CRTC3: variants seen among roughly 807,000 people sequenced by gnomAD.
The protein encoded by CRTC3 is CREB regulated transcription coactivator 3.
CRTC3 carries 26 observed loss-of-function variants against 74.5 expected under a neutral mutation model. The observed-to-expected ratio is 0.35, with a 90% CI of 0.26 to 0.48. The LOEUF is 0.48. CRTC3 is among the 20% of genes least tolerant of loss of function. CRTC3 has a pLI of 0.99. For synonymous variants in CRTC3, 377 were observed against 325.8 expected, an observed-to-expected ratio of 1.16 and a Z score of -1.69; for missense variants, 760 against 787.3, an observed-to-expected ratio of 0.97 and a Z score of 0.41.
chr15:90,583,675 G>C (rs1967594567), intron 2 of CRTC3, among the ~76,000 whole-genome samples: 1 of 152,252 alleles, frequency 6.6e-6, no homozygotes, highest in East Asian at 1.9e-4. Context: ...GAACAGCTGG[G>C]AGCCTCACAG....
chr15:90,569,934 G>A (rs1454750891), intron 2 of CRTC3, among the ~76,000 whole-genome samples: 1 of 152,122 alleles, frequency 6.6e-6, no homozygotes, highest in Non-Finnish European at 1.5e-5. Flanking sequence ...TGATAATGTT[G>A]TAATATTATT....
chr15:90,638,353 A>C, intron 11 of CRTC3, 93 bp from the exon 12 acceptor site: 2 of 1,080,546 alleles, frequency 1.9e-6, no homozygotes, highest in Non-Finnish European at 2.8e-6. Flanking sequence ...GGAAAATCTC[A>C]GGCTTCCTCT....
intron 2 of CRTC3, among the ~76,000 whole-genome samples, chr15:90,550,077 GA>G (rs1966851976): frequency 6.6e-6 from 1 of 151,294 alleles, no homozygotes; most frequent in East Asian, 1.9e-4. Context: ...CTTAAATTTT[GA>G]TCCTGTGTCA....
chr15:90,566,968 C>T (rs1967137719), intron 2 of CRTC3, among the ~76,000 whole-genome samples: 1 of 152,066 alleles, frequency 6.6e-6, no homozygotes, highest in African/African-American at 2.4e-5. Flanking sequence ...TTCTTGGCCT[C>T]CTGAAGTGCT....
At position 90,622,807 on chromosome 15, in the gene CRTC3, C is replaced by T. The variant is rs1356306491; in HGVS notation, c.750-2969C>T. Among the ~76,000 whole-genome samples, 6 of 149,360 alleles carry T rather than the reference C, an allele frequency of 4.0e-5. No individual in the cohort carries two copies. In the South Asian group the frequency reaches 1.0e-3, roughly 26 times the overall value. ...CAGAGGTTGCAGTGAGCCAAGATCGCACCACTGCACTCCAGCCTGGGCGAC... is the reference window on the plus strand; with the variant it reads ...CAGAGGTTGCAGTGAGCCAAGATCGTACCACTGCACTCCAGCCTGGGCGAC... On this transcript the variant is annotated intron_variant, in intron 9 of 14. Transcript: ENST00000268184.
chr15:90,638,815 G>C lies in CRTC3; in HGVS notation c.1548G>C (p.Gln516His). The C allele has an allele frequency of 6.2e-7, 1 of 1,613,420 alleles. No individual in the cohort carries two copies. The highest frequency in any genetic ancestry group is 8.5e-7 in the Non-Finnish European group (1 of 1,179,402). The change falls in exon 13 of 15, where the codon CAG becomes CAC. Residue 516 changes from glutamine (Q) to histidine (H), a missense_variant and splice_region_variant. Physicochemically the swap from Gln to His is conservative, Grantham distance 24 (BLOSUM62 0). Around this residue, in one of 2 missense-constraint regions of CRTC3, gnomAD observed 652 missense variants for 635.2 expected, o/e 1.03. Coordinates refer to ENST00000268184, the MANE Select transcript of CRTC3 (RefSeq NM_022769.5). Reference protein sequence around the residue: ...SMRPGPAFPQQVPLVQQGSRE... With the variant: ...SMRPGPAFPQHVPLVQQGSRE... Reference sequence around the variant, plus strand: ...GGCCAGGCCCTGCCTTTCCTCAACAGGTGGGTGATCGCCCCTGCCTTCTCC... The same window carrying C: ...GGCCAGGCCCTGCCTTTCCTCAACACGTGGGTGATCGCCCCTGCCTTCTCC...
At chr15:90,625,724 CCCAACAG>C in intron 9 of CRTC3, 45 bp from the exon 10 acceptor site, 5 of 1,528,392 alleles carry the variant, frequency 3.3e-6, no homozygotes, top group Non-Finnish European at 4.5e-6. Context: ...TGTTTGGTTT[CCCAACAG>C]CCAAATACAT....
intron 2 of CRTC3, among the ~76,000 whole-genome samples, chr15:90,592,033 C>G (rs184241501): frequency 5.7e-4 from 86 of 152,196 alleles, no homozygotes; most frequent in African/African-American, 2.0e-3. Flanking sequence ...AAAAATAGAT[C>G]GGAACTGTTA....
At chr15:90,535,161 C>CAAA (rs34328900) in intron 1 of CRTC3, among the ~76,000 whole-genome samples, 1 of 128,366 alleles carries the variant, frequency 7.8e-6, no homozygotes, top group Non-Finnish European at 1.6e-5. Context: ...AACTCCGTCT[C>CAAA]AAAAAAAAAA....
Position 90,534,682 on chromosome 15 carries a change from T to C in CRTC3, c.132+4479T>C, listed in dbSNP as rs372773684. 1.8e-3 allele frequency among the ~76,000 whole-genome samples: 268 copies of C among 152,370 alleles called. 2 individuals are homozygous for C. The highest frequency in any genetic ancestry group is 6.3e-3 in the African/African-American group (261 of 41,592). On this transcript the variant is annotated intron_variant, in intron 1 of 14. Coordinates refer to ENST00000268184, the MANE Select transcript of CRTC3 (RefSeq NM_022769.5). ...TCCAACGACACTCACCCGACATTTCTGGACGGCACCAGTTGCCTGGAGCTG... is the reference window on the plus strand; with the variant it reads ...TCCAACGACACTCACCCGACATTTCCGGACGGCACCAGTTGCCTGGAGCTG...
In CRTC3 at chr15:90,540,141, C is replaced by T; in HGVS notation, c.231+4C>T. On this transcript the variant is annotated splice_donor_region_variant and intron_variant, in intron 2 of 14. Coordinates refer to ENST00000268184, the MANE Select transcript of CRTC3 (RefSeq NM_022769.5). ...GAGCAGTGCGTCAGAGTTTCAGGTA[C>T]CTCCAGATATGTACTTTCTTGAAGC... 6.3e-7 allele frequency: 1 copy of T among 1,579,070 alleles called. No individual in the cohort carries two copies. The highest frequency in any genetic ancestry group is 8.7e-7 in the Non-Finnish European group (1 of 1,153,472).
chr15:90,636,309 G>C (rs986292225), intron 11 of CRTC3, among the ~76,000 whole-genome samples: 3,460 of 150,338 alleles, frequency 0.023, 134 homozygotes, highest in African/African-American at 0.081. Flanking sequence ...AATGGGGAAA[G>C]GATTCCCTAT....
intron 11 of CRTC3, among the ~76,000 whole-genome samples, chr15:90,635,834 G>T (rs1283691153): frequency 1.3e-5 from 2 of 152,028 alleles, no homozygotes; most frequent in Non-Finnish European, 2.9e-5. Flanking sequence ...AAATACCTAG[G>T]AATCCAACTT....
intron 8 of CRTC3, chr15:90,618,241 A>G (rs1968547874): frequency 4.7e-6 from 1 of 211,724 alleles, no homozygotes; most frequent in Non-Finnish European, 9.3e-6. Context: ...AGTCCTCCAT[A>G]TCTTATTTGT....
rs747306899 is a variant in CRTC3 at position 90,629,477 on chromosome 15, G to A, written c.1211G>A (p.Gly404Asp). The change falls in exon 11 of 15, where the codon GGT (glycine) becomes GAT (aspartate). Residue 404 changes from glycine to aspartate, a missense_variant. Around this residue, in one of 2 missense-constraint regions of CRTC3, gnomAD observed 652 missense variants for 635.2 expected, o/e 1.03. Transcript: ENST00000268184. ...TLSPGPEAHQ[G>D]FSRQLSSTSP... ...TCTCCTGGCCCTGAAGCACATCAAGGTTTCAGCAGACAGCTGTCTTCAACC... is the reference window on the plus strand; with the variant it reads ...TCTCCTGGCCCTGAAGCACATCAAGATTTCAGCAGACAGCTGTCTTCAACC... 8 of 1,614,010 alleles carry A rather than the reference G, an allele frequency of 5.0e-6. No individual in the cohort carries two copies. The highest frequency in any genetic ancestry group is 6.8e-6 in the Non-Finnish European group (8 of 1,180,018).
At chr15:90,598,547 G>A in intron 3 of CRTC3, 1 of 702,062 alleles carries the variant, frequency 1.4e-6, no homozygotes, top group Admixed American at 2.0e-5. Context: ...GGGAGAGAGA[G>A]AACACACTGG....
intron 2 of CRTC3, among the ~76,000 whole-genome samples, chr15:90,569,618 T>C (rs1967214338): frequency 6.6e-6 from 1 of 151,688 alleles, no homozygotes; most frequent in African/African-American, 2.4e-5. Flanking sequence ...TCTTGCTCTG[T>C]CACCCAGGCT....
intron 2 of CRTC3, among the ~76,000 whole-genome samples, chr15:90,573,284 C>A (rs191956316): frequency 3.9e-5 from 6 of 152,232 alleles, no homozygotes; most frequent in African/African-American, 1.4e-4. Flanking sequence ...TGTGGGATAC[C>A]TTGGAGTCTG....
intron 2 of CRTC3, among the ~76,000 whole-genome samples, chr15:90,561,540 G>A (rs972132596): frequency 6.6e-6 from 1 of 152,166 alleles, no homozygotes; most frequent in Non-Finnish European, 1.5e-5. Flanking sequence ...CATGTGGGCG[G>A]TGGCAGTGTA....
Sources: allele counts gnomAD v4.1 joint callset (sites outside exome capture counted in the v4.1 genomes callset), GRCh38; gene constraint gnomAD v4.1.1; regional missense constraint gnomAD v4.1.1; transcripts MANE v1.5; gene names NCBI Gene and HGNC (gene_info 2026-07-23, HGNC 2026-07-21).